MPPED2: variants seen among roughly 807,000 people sequenced by gnomAD.
The protein encoded by MPPED2 is metallophosphoesterase domain containing 2, also known as metallophosphoesterase MPPED2.
A neutral mutation model predicts 33.0 loss-of-function variants in MPPED2; 5 were observed. That is an observed-to-expected ratio of 0.15 (90% confidence interval 0.08 to 0.32). The LOEUF (loss-of-function observed/expected upper bound fraction) is 0.32. MPPED2 is among the 10% of genes least tolerant of loss of function. MPPED2 has a pLI of 1.00. For synonymous variants in MPPED2, 136 were observed against 141.9 expected, an observed-to-expected ratio of 0.96 and a Z score of 0.29; for missense variants, 275 against 372.1, an observed-to-expected ratio of 0.74 and a Z score of 2.15.
intron 4 of MPPED2, among the ~76,000 whole-genome samples, chr11:30,435,684 C>T (rs1266492688): frequency 6.6e-6 from 1 of 152,206 alleles, no homozygotes; most frequent in Non-Finnish European, 1.5e-5. Context: ...AGACTGGAAT[C>T]TCTCCCAGTT....
intron 4 of MPPED2, among the ~76,000 whole-genome samples, chr11:30,430,839 C>T (rs1436156701): frequency 1.3e-5 from 2 of 152,116 alleles, no homozygotes; most frequent in African/African-American, 4.8e-5. Context: ...AAAAACCAGC[C>T]CACAGCATAC....
At chr11:30,518,514 T>A (rs934640939) in intron 3 of MPPED2, among the ~76,000 whole-genome samples, 9 of 152,226 alleles carry the variant, frequency 5.9e-5, no homozygotes. Context: ...ATTAAATGTG[T>A]GATTTACCCA....
At chr11:30,431,757 G>A (rs1949087675) in intron 4 of MPPED2, among the ~76,000 whole-genome samples, 2 of 152,122 alleles carry the variant, frequency 1.3e-5, no homozygotes, top group Admixed American at 1.3e-4. Context: ...TGCCTTAAAG[G>A]ATGATGAAAT....
intron 3 of MPPED2, among the ~76,000 whole-genome samples, chr11:30,499,604 T>G (rs1952462723): frequency 6.6e-6 from 1 of 152,138 alleles, no homozygotes; most frequent in African/African-American, 2.4e-5. Context: ...TGAATCCTCC[T>G]CCTTGGTGAG....
chr11:30,507,499 A>G (rs568870437), intron 3 of MPPED2, among the ~76,000 whole-genome samples: 1 of 152,226 alleles, frequency 6.6e-6, no homozygotes, highest in Non-Finnish European at 1.5e-5. Context: ...AGTAAAATTG[A>G]TTCTTCCCAT....
intron 4 of MPPED2, among the ~76,000 whole-genome samples, chr11:30,436,513 C>T (rs192521813): frequency 6.6e-6 from 1 of 152,316 alleles, no homozygotes; most frequent in African/African-American, 2.4e-5. Context: ...TTGTTAGCTT[C>T]ATTTACCTCT....
chr11:30,520,223 T>TA (rs1035871435), intron 3 of MPPED2, among the ~76,000 whole-genome samples: 4 of 152,142 alleles, frequency 2.6e-5, no homozygotes, highest in African/African-American at 4.8e-5. Flanking sequence ...GTAAAAAATG[T>TA]AAAAAAAGTT....
chr11:30,561,629 G>C (rs993219783), intron 2 of MPPED2, among the ~76,000 whole-genome samples: 6 of 152,186 alleles, frequency 3.9e-5, no homozygotes, highest in African/African-American at 1.2e-4. Flanking sequence ...CCTAGGCAAA[G>C]AGGGTTATTA....
intron 3 of MPPED2, among the ~76,000 whole-genome samples, chr11:30,504,564 C>A (rs1349692870): frequency 6.6e-6 from 1 of 152,142 alleles, no homozygotes; most frequent in Non-Finnish European, 1.5e-5. Flanking sequence ...AGTTGGTACC[C>A]ACTGCATACT....
At chr11:30,388,643 A>T (rs569895943) in exon 7 of MPPED2, 1 of 352,624 alleles carries the variant, frequency 2.8e-6, no homozygotes, top group Admixed American at 4.3e-5. Context: ...CCCTTTATGC[A>T]CTGGCCCCAC....
chr11:30,432,641 G>A (rs952129320), intron 4 of MPPED2, among the ~76,000 whole-genome samples: 51 of 152,224 alleles, frequency 3.4e-4, no homozygotes, highest in Admixed American at 1.7e-3. Flanking sequence ...GCCCTAGAAT[G>A]AATACAACTT....
chr11:30,544,798 G>A (rs1955319609), intron 2 of MPPED2, among the ~76,000 whole-genome samples: 1 of 152,252 alleles, frequency 6.6e-6, no homozygotes, highest in African/African-American at 2.4e-5. Context: ...TAACATTGCA[G>A]TGGGTACAGA....
chr11:30,449,410 G>A (rs965502911), intron 4 of MPPED2, among the ~76,000 whole-genome samples: 1 of 152,170 alleles, frequency 6.6e-6, no homozygotes, highest in Non-Finnish European at 1.5e-5. Context: ...CCTTTGGGAG[G>A]CTGAGGTAAA....
chr11:30,521,588 T>A (rs1055288155), intron 3 of MPPED2, among the ~76,000 whole-genome samples: 2 of 152,260 alleles, frequency 1.3e-5, no homozygotes, highest in Non-Finnish European at 2.9e-5. Flanking sequence ...TTGACATTTG[T>A]TACAAATTTC....
upstream of MPPED2, chr11:30,586,936 A>T (rs1002585871): frequency 1.3e-5 from 2 of 152,102 alleles, no homozygotes; most frequent in Non-Finnish European, 2.9e-5. The surrounding 1 kb of genome is among the most constrained non-coding windows in gnomAD (Gnocchi z 4.8). Context: ...ACAGACACAC[A>T]CACACACACA....
intron 3 of MPPED2, among the ~76,000 whole-genome samples, chr11:30,530,001 T>C (rs909486796): frequency 3.9e-5 from 6 of 152,330 alleles, no homozygotes; most frequent in African/African-American, 1.2e-4. Flanking sequence ...TGAAAGGCCA[T>C]AATTAAAAGT....
At chr11:30,536,787 TA>T (rs1188669312) in intron 2 of MPPED2, among the ~76,000 whole-genome samples, 3,252 of 140,794 alleles carry the variant, frequency 0.023, 69 homozygotes, top group African/African-American at 0.067. Context: ...CTTTAAAAAT[TA>T]AAAAAAAAAA....
chr11:30,443,694 A>G (rs1248944616), intron 4 of MPPED2, among the ~76,000 whole-genome samples: 1 of 152,220 alleles, frequency 6.6e-6, no homozygotes, highest in Non-Finnish European at 1.5e-5. Context: ...GCAGGTGGAG[A>G]TAATAAATAC....
intron 3 of MPPED2, among the ~76,000 whole-genome samples, chr11:30,531,265 C>G (rs1954508607): frequency 6.6e-6 from 1 of 152,232 alleles, no homozygotes; most frequent in Admixed American, 6.5e-5. Flanking sequence ...ACTTGTCCCT[C>G]TGACCCTAGA....
Sources: gnomAD v4.1 joint callset for allele counts (sites outside exome capture counted in the v4.1 genomes callset) on GRCh38, gnomAD v4.1.1 for gene constraint, Gnocchi (gnomAD v3.1) non-coding constraint, MANE v1.5 for transcripts, NCBI Gene and HGNC (gene_info 2026-07-23, HGNC 2026-07-21) for gene names.